The following GNG2 variants were observed in gnomAD, a reference collection of about 807,000 sequenced individuals.
GNG2 encodes guanine nucleotide-binding protein G(I)/G(S)/G(O) subunit gamma-2.
GNG2 carries 5 observed loss-of-function variants against 5.5 expected under a neutral mutation model. The ratio of observed to expected loss-of-function variants is 0.91; its 90% CI spans 0.48 to 1.92. The LOEUF (loss-of-function observed/expected upper bound fraction) is 1.92, where lower values mean the gene tolerates loss of function less well. Ranked by LOEUF, GNG2 falls within the 30% of genes most tolerant of loss-of-function variation. The pLI is 0.01. For missense variants in GNG2, 55 were observed against 88.4 expected, an observed-to-expected ratio of 0.62 and a Z score of 1.52; for synonymous variants, 28 against 32.0, an observed-to-expected ratio of 0.88 and a Z score of 0.42.
At chr14:51,845,151 G>T (rs1221010018) in intron 2 of GNG2, among the ~76,000 whole-genome samples, 1 of 152,022 alleles carries the variant, frequency 6.6e-6, no homozygotes, top group African/African-American at 2.4e-5. Context: ...TTTCTCTATG[G>T]GCTAAATTAG....
chr14:51,909,600 G>T (rs1371475621), intron 2 of GNG2, among the ~76,000 whole-genome samples: 1 of 152,158 alleles, frequency 6.6e-6, no homozygotes, highest in Admixed American at 6.5e-5. Flanking sequence ...ATCAGGGATT[G>T]CATAAAGGAC....
rs1889999189 is a variant in GNG2, at chr14:51,967,613, C to T, written c.*926C>T. ...CAGAGCCTTAGCCACACCTAAAATA[C>T]CTCCTAGTTAATAGTGGTATAAATG... On this transcript the variant is annotated 3_prime_UTR_variant, in exon 4 of 4. Transcript: ENST00000556766. The T allele has an allele frequency of 6.6e-6, 1 of 152,000 alleles. No homozygotes were observed. Among genetic ancestry groups the T allele is most frequent in the South Asian group, 2.1e-4 (1 of 4,808 alleles). 9.4% of individuals were successfully genotyped at this position (152,000 alleles called of 1,614,324 possible). A position where few individuals can be genotyped will look rare whatever the true frequency, so the allele number is the denominator to read the frequency against.
intron 2 of GNG2, among the ~76,000 whole-genome samples, chr14:51,908,665 GT>G (rs869165467): frequency 8.0e-6 from 1 of 125,220 alleles, no homozygotes; most frequent in African/African-American, 2.6e-5. Context: ...CGCCTCCTGG[GT>G]TCAAGCAATT....
intron 2 of GNG2, among the ~76,000 whole-genome samples, chr14:51,944,350 G>T (rs8019331): frequency 1.3e-5 from 2 of 152,076 alleles, no homozygotes; most frequent in African/African-American, 2.4e-5. Context: ...GGAAACGGCT[G>T]TTTTTTTGCT....
chr14:51,935,576 A>G (rs1487665865), intron 2 of GNG2, among the ~76,000 whole-genome samples: 1 of 152,198 alleles, frequency 6.6e-6, no homozygotes, highest in Non-Finnish European at 1.5e-5. Context: ...AACATTCAAG[A>G]CGGTGAAAAG....
At chr14:51,858,498 T>C (rs1425527210), upstream of GNG2, among the ~76,000 whole-genome samples, 1 of 152,182 alleles carries the variant, frequency 6.6e-6, no homozygotes, top group Non-Finnish European at 1.5e-5. Flanking sequence ...AATACCAACC[T>C]ATATAGGCTT....
At chr14:51,826,374 A>C (rs1881029741) in intron 1 of GNG2, 1 of 152,248 alleles carries the variant, frequency 6.6e-6, no homozygotes. Context: ...TGCATTAGGT[A>C]TTATAAGTAA....
rs537137845 is a variant in GNG2 at position 51,849,360 on chromosome 14, A to G, written c.64+21553A>G. ...TAGCCTTGAAAAATCACACATTGTC[A>G]CTTCAGCCACATTCTATTAGTCACA... On this transcript the variant is annotated intron_variant, in intron 2 of 3. Transcript: ENST00000553432. 2.6e-5 allele frequency among the ~76,000 whole-genome samples: 4 copies of G among 152,336 alleles called. No homozygotes were observed. The South Asian group carries it at 8.3e-4, about 32-fold the overall frequency.
intron 2 of GNG2, among the ~76,000 whole-genome samples, chr14:51,846,000 C>A (rs995814307): frequency 3.3e-5 from 5 of 152,184 alleles, no homozygotes; most frequent in Non-Finnish European, 7.3e-5. Flanking sequence ...TTCATTGCAG[C>A]TTCCACCTTT....
chr14:51,915,959 C>T lies in GNG2; in HGVS notation c.-29-34691C>T, dbSNP rs187507126. ...TGTGAGTTAAACCTGTAATAACTGT[C>T]ATTTTCAGGACGGGAGGCATTACAG... On this transcript the variant is annotated intron_variant, in intron 2 of 3. Coordinates refer to ENST00000556766, the MANE Select transcript of GNG2 (RefSeq NM_053064.5). Among the ~76,000 whole-genome samples the T allele has an allele frequency of 5.5e-4, 84 of 152,244 alleles. No homozygotes were observed. In the East Asian group the frequency reaches 0.014, roughly 25 times the overall value.
At chr14:51,856,561 T>C (rs1882169419), upstream of GNG2, among the ~76,000 whole-genome samples, 1 of 152,058 alleles carries the variant, frequency 6.6e-6, no homozygotes, top group Non-Finnish European at 1.5e-5. Flanking sequence ...GCCTCCTGAG[T>C]AGTTGGGACT....
chr14:51,946,486 G>T (rs1732226103), intron 2 of GNG2, among the ~76,000 whole-genome samples: 2 of 152,166 alleles, frequency 1.3e-5, no homozygotes, highest in African/African-American at 4.8e-5. Context: ...TGATCACAAA[G>T]AATAAAAAAC....
chr14:51,930,976 G>C (rs1887626077), intron 2 of GNG2, among the ~76,000 whole-genome samples: 1 of 152,172 alleles, frequency 6.6e-6, no homozygotes, highest in Non-Finnish European at 1.5e-5. Context: ...TGCGCCTATA[G>C]TCCCACCTGC....
upstream of GNG2, among the ~76,000 whole-genome samples, chr14:51,860,221 A>AG (rs140848378): frequency 1.2e-5 from 1 of 83,344 alleles, no homozygotes; most frequent in African/African-American, 5.8e-5. Flanking sequence ...ATGTTGACCC[A>AG]AAAAAAAACA....
At chr14:51,910,002 A>T (rs1390631317) in intron 2 of GNG2, among the ~76,000 whole-genome samples, 2 of 152,242 alleles carry the variant, frequency 1.3e-5, no homozygotes, top group South Asian at 2.1e-4. Context: ...TCATGGATTC[A>T]TTCAACAATG....
chr14:51,935,657 C>T (rs1169268638), intron 2 of GNG2, among the ~76,000 whole-genome samples: 1 of 152,094 alleles, frequency 6.6e-6, no homozygotes, highest in Non-Finnish European at 1.5e-5. Flanking sequence ...GCTATGTTTT[C>T]TTTCTCCTTT....
intron 2 of GNG2, among the ~76,000 whole-genome samples, chr14:51,900,045 T>C (rs1007776949): frequency 6.6e-6 from 1 of 152,210 alleles, no homozygotes; most frequent in Non-Finnish European, 1.5e-5. Context: ...AATTGTTGGA[T>C]CATATGATAG....
chr14:51,861,808 C>T (rs17831391), intron 1 of GNG2, among the ~76,000 whole-genome samples: 52,565 of 152,032 alleles, frequency 0.35, 11,012 homozygotes, highest in South Asian at 0.48. Flanking sequence ...TCATGCAGCA[C>T]GATTTAAAGA....
At chr14:51,890,608 C>A (rs959893546) in intron 2 of GNG2, among the ~76,000 whole-genome samples, 1 of 152,182 alleles carries the variant, frequency 6.6e-6, no homozygotes, top group African/African-American at 2.4e-5. Flanking sequence ...CATAAGATAA[C>A]TTTCCATTTT....
Sources: allele counts gnomAD v4.1 joint callset (sites outside exome capture counted in the v4.1 genomes callset), GRCh38; gene constraint gnomAD v4.1.1; transcripts MANE v1.5; gene names NCBI Gene and HGNC (gene_info 2026-07-23, HGNC 2026-07-21).